The following GRM5 variants were observed in gnomAD, a reference collection of about 807,000 sequenced individuals.
GRM5 encodes glutamate metabotropic receptor 5, also known as metabotropic glutamate receptor 5.
GRM5 carries 19 observed loss-of-function variants against 83.1 expected under a neutral mutation model. The ratio of observed to expected loss-of-function variants is 0.23; its 90% CI spans 0.16 to 0.34. GRM5 has a LOEUF of 0.34. GRM5 is among the 10% of genes least tolerant of loss of function. The pLI is 1.00. For missense variants in GRM5, 1,160 were observed against 1,588.3 expected (o/e 0.73, Z 4.58); for synonymous variants, 675 against 633.6 (o/e 1.07, Z -0.98).
At chr11:89,014,640 A>T (rs1191853249) in intron 2 of GRM5, among the ~76,000 whole-genome samples, 1 of 152,184 alleles carries the variant, frequency 6.6e-6, no homozygotes, top group Non-Finnish European at 1.5e-5. Context: ...ATAGTCAAGA[A>T]TAACTTAATT....
intron 2 of GRM5, among the ~76,000 whole-genome samples, chr11:88,880,987 T>C (rs1312914012): frequency 1.3e-5 from 2 of 152,070 alleles, no homozygotes; most frequent in African/African-American, 4.8e-5. Context: ...TGACCCTAAA[T>C]AAATGACAGG....
At chr11:88,511,569 C>T (rs905307307) in intron 9 of GRM5, among the ~76,000 whole-genome samples, 16 of 152,198 alleles carry the variant, frequency 1.1e-4, no homozygotes, top group African/African-American at 2.4e-5. Context: ...GAGCTTCTTC[C>T]ACCCCACTCT....
intron 4 of GRM5, among the ~76,000 whole-genome samples, chr11:88,652,368 A>G (rs1028519496): frequency 1.3e-5 from 2 of 152,066 alleles, no homozygotes; most frequent in Non-Finnish European, 2.9e-5. Flanking sequence ...ATAGATAGAT[A>G]AAGTATATGC....
intron 3 of GRM5, among the ~76,000 whole-genome samples, chr11:88,759,797 A>G (rs960535204): frequency 1.3e-5 from 2 of 151,950 alleles, no homozygotes; most frequent in Admixed American, 6.6e-5. Flanking sequence ...CACATGGTAC[A>G]TATTTTAAAA....
rs748341324 is a variant in GRM5 at position 89,047,284 on chromosome 11, G to T, written c.589C>A (p.Gln197Lys). 2 of 1,614,044 alleles carry T rather than the reference G, an allele frequency of 1.2e-6. No homozygotes were observed. The highest frequency in any genetic ancestry group is 2.2e-5 in the South Asian group (2 of 91,070). ...ATGTCCACCATGGCCCTTGCCTGCT[G>T]AGCATCTGAAGGCACAACCCTCATG... ...YFMRVVPSDA[Q>K]QARAMVDIVK... The change falls in exon 2 of 10, where the codon CAG becomes AAG. Residue 197 changes from glutamine to lysine, a missense_variant. Physicochemically the swap from Gln to Lys is moderately conservative, Grantham distance 53 (BLOSUM62 1). Coordinates refer to ENST00000305447, the MANE Select transcript of GRM5 (RefSeq NM_001143831.3). This position sits in a 1 kb window ranked among gnomAD's most constrained non-coding sequence, Gnocchi z 5.1.
intron 2 of GRM5, among the ~76,000 whole-genome samples, chr11:88,891,891 T>A (rs316108): frequency 0.96 from 146,385 of 152,102 alleles, 70,486 homozygotes; most frequent in East Asian, 0.99. Context: ...ACAAGAGTTG[T>A]CTTAAATGGA....
At chr11:88,827,451 T>C (rs1369111038) in intron 3 of GRM5, among the ~76,000 whole-genome samples, 1 of 152,256 alleles carries the variant, frequency 6.6e-6, no homozygotes, top group African/African-American at 2.4e-5. Flanking sequence ...TATGTTATGC[T>C]CTTCTTGCTA....
chr11:88,531,643 T>C (rs989859828), intron 8 of GRM5, among the ~76,000 whole-genome samples: 43 of 152,076 alleles, frequency 2.8e-4, no homozygotes, highest in Admixed American at 2.3e-3. Context: ...TGGTTAAAAA[T>C]GAGTGGAGAA....
intron 2 of GRM5, among the ~76,000 whole-genome samples, chr11:88,926,607 G>C: frequency 6.6e-6 from 1 of 152,230 alleles, no homozygotes; most frequent in South Asian, 2.1e-4. Flanking sequence ...ATTGGAGCTA[G>C]AATTTTCACC....
At chr11:88,848,635 A>G (rs773642731) in intron 3 of GRM5, among the ~76,000 whole-genome samples, 10 of 152,222 alleles carry the variant, frequency 6.6e-5, no homozygotes, top group Non-Finnish European at 1.2e-4. Context: ...CCTACCACTT[A>G]TAAGTTCCAG....
intron 3 of GRM5, among the ~76,000 whole-genome samples, chr11:88,666,509 A>G (rs1399994956): frequency 6.6e-6 from 1 of 152,204 alleles, no homozygotes; most frequent in Admixed American, 6.5e-5. Context: ...GCAACAAGCC[A>G]TTGATGAGGG....
intron 7 of GRM5, among the ~76,000 whole-genome samples, chr11:88,580,683 TAGA>T (rs1943199943): frequency 6.6e-6 from 1 of 152,192 alleles, no homozygotes; most frequent in Admixed American, 6.5e-5. Flanking sequence ...TTTATTCATT[TAGA>T]ATCAGAAGGG....
intron 2 of GRM5, among the ~76,000 whole-genome samples, chr11:88,877,097 G>A (rs1439368876): frequency 6.6e-6 from 1 of 152,040 alleles, no homozygotes; most frequent in African/African-American, 2.4e-5. Context: ...GGAGAAGTCA[G>A]TCAAATGGAA....
At chr11:88,837,063 C>T (rs1484479983) in intron 3 of GRM5, among the ~76,000 whole-genome samples, 3 of 152,084 alleles carry the variant, frequency 2.0e-5, no homozygotes, top group Non-Finnish European at 4.4e-5. Flanking sequence ...ATTAAATTTT[C>T]TTGATTACAG....
chr11:88,814,258 G>A (rs1186278301), intron 3 of GRM5, among the ~76,000 whole-genome samples: 1 of 152,146 alleles, frequency 6.6e-6, no homozygotes. Flanking sequence ...GAATTTCCAG[G>A]CCATTGCAAC....
At chr11:88,727,037 C>A (rs1183466375) in intron 3 of GRM5, among the ~76,000 whole-genome samples, 1 of 152,164 alleles carries the variant, frequency 6.6e-6, no homozygotes, top group African/African-American at 2.4e-5. Flanking sequence ...TCACACATAA[C>A]AATATTAGCC....
chr11:88,778,290 C>T (rs766238026), intron 3 of GRM5, among the ~76,000 whole-genome samples: 13 of 152,362 alleles, frequency 8.5e-5, no homozygotes, highest in Middle Eastern at 3.4e-3. Context: ...CCTTGTCTGC[C>T]GGTTGTTAAG....
chr11:88,563,772 G>A (rs985833505), intron 8 of GRM5, among the ~76,000 whole-genome samples: 7 of 152,158 alleles, frequency 4.6e-5, no homozygotes, highest in African/African-American at 1.7e-4. Flanking sequence ...GAATTTATTT[G>A]TTTCCCATTA....
At chr11:89,035,286 A>C (rs1446949240) in intron 2 of GRM5, among the ~76,000 whole-genome samples, 1 of 151,854 alleles carries the variant, frequency 6.6e-6, no homozygotes, top group Non-Finnish European at 1.5e-5. Context: ...AATTAAACTG[A>C]CATGTACTTC....
Sources: allele counts gnomAD v4.1 joint callset (sites outside exome capture counted in the v4.1 genomes callset), GRCh38; gene constraint gnomAD v4.1.1; non-coding constraint Gnocchi (gnomAD v3.1); transcripts MANE v1.5; gene names NCBI Gene and HGNC (gene_info 2026-07-23, HGNC 2026-07-21).